IL23R: variants seen among roughly 807,000 people sequenced by gnomAD.
The protein encoded by IL23R is interleukin 23 receptor.
In IL23R, 34 loss-of-function variants were observed where a neutral mutation model predicts 56.9. That is an observed-to-expected ratio of 0.60 (90% CI 0.45 to 0.80). The LOEUF (loss-of-function observed/expected upper bound fraction) is 0.80. Among genes scored for constraint, IL23R ranks in the 30% least tolerant of loss-of-function variants. IL23R has a pLI of 0.00. For missense variants in IL23R, 635 were observed against 730.0 expected (o/e 0.87, Z 1.50); for synonymous variants, 230 against 249.2 (o/e 0.92, Z 0.73).
intron 7 of IL23R, among the ~76,000 whole-genome samples, chr1:67,227,118 C>T (rs904841861): frequency 7.9e-5 from 12 of 152,080 alleles, no homozygotes; most frequent in African/African-American, 7.2e-5. Flanking sequence ...TTCAGCAGTG[C>T]GGAAAGAGCC....
At chr1:67,169,829 G>A (rs1646920286) in intron 3 of IL23R, among the ~76,000 whole-genome samples, 191 bp downstream of exon 3, 1 of 152,166 alleles carries the variant, frequency 6.6e-6, no homozygotes, top group African/African-American at 2.4e-5. Context: ...CCACTGCCCA[G>A]ATCCAGTAAT....
chr1:67,148,622 C>T (rs1646702969), intron 1 of IL23R, among the ~76,000 whole-genome samples: 2 of 152,210 alleles, frequency 1.3e-5, no homozygotes, highest in Admixed American at 1.3e-4. Flanking sequence ...CTAGTCCTGT[C>T]TCTCACTATC....
intron 7 of IL23R, among the ~76,000 whole-genome samples, chr1:67,236,296 C>G (rs1296174504): frequency 6.6e-6 from 1 of 152,200 alleles, no homozygotes; most frequent in East Asian, 1.9e-4. Flanking sequence ...TGTGCAAAGG[C>G]AAAAGTGACA....
chr1:67,253,221 C>T (rs1652746409), intron 9 of IL23R, among the ~76,000 whole-genome samples: 3 of 152,306 alleles, frequency 2.0e-5, no homozygotes, highest in Middle Eastern at 6.8e-3. Context: ...CCCAAAGTCC[C>T]TTACTCTTGG....
At chr1:67,245,044 A>G (rs1458184793) in intron 9 of IL23R, among the ~76,000 whole-genome samples, 1 of 152,116 alleles carries the variant, frequency 6.6e-6, no homozygotes, top group Non-Finnish European at 1.5e-5. Context: ...TGTAAGTTGT[A>G]TTCCTAGTTA....
intron 3 of IL23R, among the ~76,000 whole-genome samples, chr1:67,181,721 A>G (rs1405852723): frequency 6.6e-6 from 1 of 151,450 alleles, no homozygotes; most frequent in Non-Finnish European, 1.5e-5. Flanking sequence ...GATTTTTAGA[A>G]TTTTCAGTTT....
At position 67,182,895 on chromosome 1, in the gene IL23R, A is replaced by T. The variant is rs1454299797; in HGVS notation, c.427A>T (p.Thr143Ser). The T allele has an allele frequency of 6.2e-7, 1 of 1,614,072 alleles. No individual in the cohort carries two copies. The highest frequency in any genetic ancestry group is 8.5e-7 in the Non-Finnish European group (1 of 1,179,976). The change falls in exon 4 of 11, where the codon ACT (threonine) becomes TCT (serine). Residue 143 changes from threonine to serine, a missense_variant. By Grantham distance (58) the Thr-to-Ser change is moderately conservative. Coordinates refer to ENST00000347310, the MANE Select transcript of IL23R (RefSeq NM_144701.3). ...CVIYEYSGNMTCTWNAGKLTY... is the reference protein window; with the variant it reads ...CVIYEYSGNMSCTWNAGKLTY... ...CATTTATGAATATTCAGGCAACATG[A>T]CTTGCACCTGGAATGCTGGGAAGCT...
At chr1:67,153,550 T>A (rs1454517879) in intron 1 of IL23R, among the ~76,000 whole-genome samples, 1 of 152,172 alleles carries the variant, frequency 6.6e-6, no homozygotes, top group Non-Finnish European at 1.5e-5. Context: ...AGGTGATGAT[T>A]TGAGATCTTT....
intron 9 of IL23R, among the ~76,000 whole-genome samples, chr1:67,253,452 G>T (rs959725319): frequency 2.0e-5 from 3 of 152,172 alleles, no homozygotes; most frequent in Non-Finnish European, 2.9e-5. Context: ...TGCCGAATTG[G>T]CACTGAGTTT....
At chr1:67,228,380 T>TTTTTTTTTTTTTAA in intron 7 of IL23R, among the ~76,000 whole-genome samples, 1 of 123,388 alleles carries the variant, frequency 8.1e-6, no homozygotes. Flanking sequence ...TTTTTTTTTG[T>TTTTTTTTTTTTTAA]AGAGACAGGG....
At chr1:67,230,492 C>T (rs78134424) in intron 7 of IL23R, among the ~76,000 whole-genome samples, 1,523 of 152,216 alleles carry the variant, frequency 0.01, 12 homozygotes, top group Non-Finnish European at 0.017. Flanking sequence ...CTGTATGGTC[C>T]TTGTCATTTA....
rs1653133206 is a variant in IL23R, at chr1:67,259,638, A to G, written c.*510A>G. ...GGGTAAATAATGCAAAATACCTGGT[A>G]GTAAAATAAATGCTGAAAATTTTCC... On this transcript the variant is annotated 3_prime_UTR_variant, in exon 11 of 11. Transcript: ENST00000347310. 6.3e-6 allele frequency: 1 copy of G among 159,160 alleles called. No individual in the cohort carries two copies. Among genetic ancestry groups the G allele is most frequent in the Non-Finnish European group, 1.4e-5 (1 of 72,470 alleles). 9.9% of individuals were successfully genotyped at this position (159,160 alleles called of 1,614,324 possible).
At chr1:67,204,371 C>T (rs1311326087) in intron 5 of IL23R, among the ~76,000 whole-genome samples, 1 of 152,152 alleles carries the variant, frequency 6.6e-6, no homozygotes, top group Admixed American at 6.5e-5. Context: ...GAAACCTAAT[C>T]AGTAAGAATA....
chr1:67,227,950 CTTTCTTTCTTTCTTTCTTTCTT>C (rs1404369932), intron 7 of IL23R, among the ~76,000 whole-genome samples: 904 of 62,736 alleles, frequency 0.014, 39 homozygotes, highest in Non-Finnish European at 0.02. Flanking sequence ...ATCTTTCTTT[CTTTCTTTCTTTCTTTCTTTCTT>C]TCTTTCTTTC....
At chr1:67,226,907 G>A (rs1311324277) in intron 7 of IL23R, among the ~76,000 whole-genome samples, 1 of 152,118 alleles carries the variant, frequency 6.6e-6, no homozygotes, top group Non-Finnish European at 1.5e-5. Flanking sequence ...GCCCACCTGG[G>A]CATTACAGGA....
At chr1:67,262,513 C>T (rs1332726590), downstream of IL23R, among the ~76,000 whole-genome samples, 2 of 152,110 alleles carry the variant, frequency 1.3e-5, no homozygotes, top group African/African-American at 4.8e-5. Flanking sequence ...AGCCAGCTTG[C>T]CACTGACAAA....
chr1:67,166,813 G>A (rs993101844), intron 1 of IL23R, among the ~76,000 whole-genome samples: 1 of 152,046 alleles, frequency 6.6e-6, no homozygotes, highest in Admixed American at 6.6e-5. Flanking sequence ...ATAATGAAAG[G>A]GATCCCTATA....
intron 5 of IL23R, among the ~76,000 whole-genome samples, chr1:67,201,394 C>G (rs1432771645): frequency 7.0e-6 from 1 of 142,826 alleles, no homozygotes; most frequent in African/African-American, 2.7e-5. Flanking sequence ...GGTGACACAG[C>G]AAAACTCTTG....
chr1:67,252,321 C>A (rs1037535339), intron 9 of IL23R, among the ~76,000 whole-genome samples: 3 of 152,158 alleles, frequency 2.0e-5, no homozygotes, highest in Non-Finnish European at 2.9e-5. Context: ...AATTTTACAA[C>A]CCCTGCAATA....
Sources: allele counts gnomAD v4.1 joint callset (sites outside exome capture counted in the v4.1 genomes callset), GRCh38; gene constraint gnomAD v4.1.1; transcripts MANE v1.5; gene names NCBI Gene and HGNC (gene_info 2026-07-23, HGNC 2026-07-21).